SEC24D: variants seen among roughly 807,000 people sequenced by gnomAD.
SEC24D encodes the protein protein transport protein Sec24D.
Under a neutral mutation model 116.9 loss-of-function variants are expected in SEC24D, and 69 were observed. The observed-to-expected ratio is 0.59, with a 90% CI of 0.49 to 0.72. SEC24D has a LOEUF of 0.72. Among genes scored for constraint, SEC24D ranks in the 30% least tolerant of loss-of-function variants. The probability of loss-of-function intolerance (pLI) is 0.00; values close to 1 mark genes in which losing one functional copy is unlikely to be tolerated. For synonymous variants in SEC24D, 405 were observed against 442.8 expected (o/e 0.91, Z 1.07); for missense variants, 1,131 against 1,264.1 (o/e 0.89, Z 1.60).
intron 2 of SEC24D, among the ~76,000 whole-genome samples, chr4:118,830,167 T>C (rs761473471): frequency 6.6e-6 from 1 of 152,226 alleles, no homozygotes; most frequent in Non-Finnish European, 1.5e-5. Flanking sequence ...GCAGAGAGTA[T>C]AATAGCCTGG....
chr4:118,835,256 C>T (rs1276119724), intron 1 of SEC24D, among the ~76,000 whole-genome samples: 1 of 152,184 alleles, frequency 6.6e-6, no homozygotes, highest in Non-Finnish European at 1.5e-5. Flanking sequence ...AGCCAGTTCC[C>T]TCTGAACTGG....
intron 8 of SEC24D, among the ~76,000 whole-genome samples, chr4:118,779,236 G>C (rs1302994499): frequency 6.6e-6 from 1 of 152,082 alleles, no homozygotes; most frequent in Admixed American, 6.5e-5. Flanking sequence ...ATTGGCTGTG[G>C]GTTTGTCATG....
intron 8 of SEC24D, among the ~76,000 whole-genome samples, chr4:118,792,516 A>C (rs1728972706): frequency 6.6e-6 from 1 of 152,248 alleles, no homozygotes; most frequent in Non-Finnish European, 1.5e-5. Flanking sequence ...AAAGAAGTAG[A>C]CATAGGAGAC....
chr4:118,763,215 A>T (rs529952346), intron 10 of SEC24D, among the ~76,000 whole-genome samples: 1 of 152,320 alleles, frequency 6.6e-6, no homozygotes, highest in East Asian at 1.9e-4. Flanking sequence ...AATTTCCCTA[A>T]GTATGTTCAG....
At chr4:118,731,648 A>G in intron 20 of SEC24D, 141 bp from the exon 21 acceptor site, 2 of 668,320 alleles carry the variant, frequency 3.0e-6, no homozygotes, top group Non-Finnish European at 5.1e-6. Flanking sequence ...TATTCCAGTC[A>G]TTAGAAAATA....
chr4:118,770,096 C>T lies in SEC24D; in HGVS notation c.1042-1785G>A, dbSNP rs1004450902. Among the ~76,000 whole-genome samples the T allele has an allele frequency of 2.1e-4, 32 of 152,100 alleles. 1 individual carries two copies. The highest frequency in any genetic ancestry group is 7.0e-4 in the African/African-American group (29 of 41,408). On this transcript the variant is annotated intron_variant, in intron 8 of 22. Coordinates refer to ENST00000280551, the MANE Select transcript of SEC24D (RefSeq NM_014822.4). Reference sequence around the variant, plus strand: ...ATCTAGAAGACAGAGAATAAACTTTCAGGGGATTCTGATACACTCTAATGG... The same window carrying T: ...ATCTAGAAGACAGAGAATAAACTTTTAGGGGATTCTGATACACTCTAATGG...
At chr4:118,736,695 TA>T (rs1725979489) in intron 19 of SEC24D, 1 of 159,906 alleles carries the variant, frequency 6.3e-6, no homozygotes, top group Non-Finnish European at 1.4e-5. Flanking sequence ...TGGTTAATCA[TA>T]AGGTACTTAA....
intron 22 of SEC24D, among the ~76,000 whole-genome samples, chr4:118,725,188 AT>A (rs1725344445): frequency 6.6e-6 from 1 of 152,220 alleles, no homozygotes; most frequent in Admixed American, 6.5e-5. Flanking sequence ...TTCCATGTGG[AT>A]ACAGATATGT....
At chr4:118,742,780 A>G (rs1157307287) in intron 15 of SEC24D, among the ~76,000 whole-genome samples, 1 of 152,090 alleles carries the variant, frequency 6.6e-6, no homozygotes, top group African/African-American at 2.4e-5. Context: ...CACACATTAG[A>G]GGTACACCCC....
chr4:118,773,239 T>A (rs909362886), intron 8 of SEC24D, among the ~76,000 whole-genome samples: 2 of 151,614 alleles, frequency 1.3e-5, no homozygotes, highest in Non-Finnish European at 3.0e-5. Flanking sequence ...ATATTCTACT[T>A]TACAAAGTGC....
At chr4:118,765,968 A>G (rs1419007620) in intron 9 of SEC24D, among the ~76,000 whole-genome samples, 1 of 152,196 alleles carries the variant, frequency 6.6e-6, no homozygotes, top group African/African-American at 2.4e-5. Flanking sequence ...AAAAGATTAC[A>G]TAAGTAGCAA....
intron 21 of SEC24D, 108 bp from the exon 22 acceptor site, chr4:118,728,758 T>C (rs371036995): frequency 1.5e-6 from 1 of 656,096 alleles, no homozygotes; most frequent in Non-Finnish European, 2.5e-6. Context: ...TACTTGAACA[T>C]TGGTGTAGTT....
intron 8 of SEC24D, among the ~76,000 whole-genome samples, chr4:118,778,303 T>C (rs372720262): frequency 2.0e-5 from 3 of 152,160 alleles, no homozygotes; most frequent in Non-Finnish European, 4.4e-5. Flanking sequence ...AGGAAGGGAT[T>C]CAGTTTCAGC....
intron 9 of SEC24D, among the ~76,000 whole-genome samples, chr4:118,767,705 C>A (rs1727703947): frequency 1.3e-5 from 2 of 152,046 alleles, no homozygotes; most frequent in Non-Finnish European, 2.9e-5. Flanking sequence ...AACAATCCAA[C>A]ATTTACATCG....
At chr4:118,748,435 T>C (rs943561700) in intron 13 of SEC24D, among the ~76,000 whole-genome samples, 5 of 152,208 alleles carry the variant, frequency 3.3e-5, no homozygotes, top group African/African-American at 7.2e-5. Flanking sequence ...CTTTTATAAG[T>C]AGCAAATTAA....
At chr4:118,802,338 G>C (rs1729478872) in intron 7 of SEC24D, among the ~76,000 whole-genome samples, 1 of 152,046 alleles carries the variant, frequency 6.6e-6, no homozygotes, top group South Asian at 2.1e-4. Flanking sequence ...CAGCTGTATG[G>C]CCTTGGTCAA....
intron 8 of SEC24D, among the ~76,000 whole-genome samples, chr4:118,793,221 AC>A (rs1729011651): frequency 6.6e-6 from 1 of 152,060 alleles, no homozygotes; most frequent in Non-Finnish European, 1.5e-5. Context: ...TAATCCCAGC[AC>A]TTTGGGAGGC....
intron 19 of SEC24D, among the ~76,000 whole-genome samples, chr4:118,734,635 C>T (rs1331395399): frequency 6.6e-6 from 1 of 152,196 alleles, no homozygotes; most frequent in Non-Finnish European, 1.5e-5. Flanking sequence ...TAAGTCTCTT[C>T]TCATGATGTA....
At chr4:118,784,255 T>C (rs1019822780) in intron 8 of SEC24D, among the ~76,000 whole-genome samples, 1 of 152,102 alleles carries the variant, frequency 6.6e-6, no homozygotes, top group African/African-American at 2.4e-5. Context: ...TTTAGAGAAA[T>C]AAATACATTT....
Sources: allele counts gnomAD v4.1 joint callset (sites outside exome capture counted in the v4.1 genomes callset), GRCh38; gene constraint gnomAD v4.1.1; transcripts MANE v1.5; gene names NCBI Gene and HGNC (gene_info 2026-07-23, HGNC 2026-07-21).